The following DAPK2 variants were observed in gnomAD, a reference collection of about 807,000 sequenced individuals.
DAPK2 encodes death associated protein kinase 2, also known as death-associated protein kinase 2.
A neutral mutation model predicts 44.1 loss-of-function variants in DAPK2; 35 were observed. The ratio of observed to expected loss-of-function variants is 0.79; its 90% CI spans 0.61 to 1.05. The LOEUF is 1.05. DAPK2 is among the 50% of genes least tolerant of loss of function. The pLI is 0.00. For missense variants in DAPK2, 453 were observed against 483.2 expected, an observed-to-expected ratio of 0.94 and a Z score of 0.59; for synonymous variants, 174 against 182.6, an observed-to-expected ratio of 0.95 and a Z score of 0.38.
chr15:63,950,953 G>C (rs532434314), intron 3 of DAPK2, among the ~76,000 whole-genome samples: 1 of 152,136 alleles, frequency 6.6e-6, no homozygotes, highest in Non-Finnish European at 1.5e-5. Flanking sequence ...CATTATTAAA[G>C]GACAGCTCGC....
chr15:63,941,423 G>A (rs1405852469), intron 3 of DAPK2, among the ~76,000 whole-genome samples: 1 of 152,194 alleles, frequency 6.6e-6, no homozygotes, highest in Non-Finnish European at 1.5e-5. Flanking sequence ...CCGGAAGGAG[G>A]ACTCAGATCT....
At chr15:63,924,774 C>T in intron 8 of DAPK2, 42 bp downstream of exon 9, 1 of 1,612,056 alleles carries the variant, frequency 6.2e-7, no homozygotes, top group Non-Finnish European at 8.5e-7. Flanking sequence ...GGCGACAGAG[C>T]AGGGACCCTT....
At chr15:63,959,791 A>G (rs983578587) in intron 3 of DAPK2, among the ~76,000 whole-genome samples, 1 of 152,128 alleles carries the variant, frequency 6.6e-6, no homozygotes, top group Non-Finnish European at 1.5e-5. Flanking sequence ...ATCGATGTTC[A>G]TTGGGGATAT....
upstream of DAPK2, among the ~76,000 whole-genome samples, chr15:64,043,009 G>C (rs2080383826): frequency 6.6e-6 from 1 of 152,190 alleles, no homozygotes; most frequent in Non-Finnish European, 1.5e-5. Context: ...TAACCCAGAG[G>C]GAGAGAATAG....
At position 63,912,265 on chromosome 15, in the gene DAPK2, G is replaced by A. The variant is rs1021529335; in HGVS notation, c.859-68C>T. 2.6e-6 allele frequency: 4 copies of A among 1,516,474 alleles called. No individual in the cohort carries two copies. Among genetic ancestry groups the A allele is most frequent in the Non-Finnish European group, 2.7e-6 (3 of 1,102,148 alleles). 93.9% of individuals were successfully genotyped at this position (1,516,474 alleles called of 1,614,324 possible). A position where few individuals can be genotyped will look rare whatever the true frequency, so the allele number is the denominator to read the frequency against. ...GACAGCAGCCACCCTCCTCGCCGCA[G>A]AACTCCCCACCCACCGCATGCCCAC... On this transcript the variant is annotated intron_variant, in intron 8 of 10. Coordinates refer to ENST00000261891, the Ensembl canonical transcript of DAPK2. This position sits in a 1 kb window ranked among gnomAD's most constrained non-coding sequence, Gnocchi z 4.4.
In DAPK2 at chr15:63,939,919, T is replaced by C. The variant is rs1340498889; in HGVS notation, c.454-558A>G. ...CACTTCTCTCTGCGTTTAACTAATT[T>C]TGGTCCTCAGCAGGACACAGGAAAA... On this transcript the variant is annotated intron_variant, in intron 3 of 10. Transcript: ENST00000261891. This position sits in a 1 kb window ranked among gnomAD's most constrained non-coding sequence, Gnocchi z 4.3. 6.6e-6 allele frequency among the ~76,000 whole-genome samples: 1 copy of C among 152,226 alleles called. No homozygotes were observed. Among genetic ancestry groups the C allele is most frequent in the Admixed American group, 6.5e-5 (1 of 15,284 alleles).
intron 6 of DAPK2, among the ~76,000 whole-genome samples, chr15:63,927,703 G>A (rs1000878157): frequency 6.6e-6 from 1 of 151,730 alleles, no homozygotes; most frequent in African/African-American, 2.4e-5. Flanking sequence ...ATTCAAATGA[G>A]CCACAAGAAG....
chr15:63,987,298 G>A (rs1473034875), intron 1 of DAPK2, among the ~76,000 whole-genome samples: 1 of 152,160 alleles, frequency 6.6e-6, no homozygotes, highest in African/African-American at 2.4e-5. Flanking sequence ...AGAAGTTGAG[G>A]TCCCACAGTG....
chr15:64,028,843 G>T (rs1050170761), intron 1 of DAPK2, among the ~76,000 whole-genome samples: 1 of 152,030 alleles, frequency 6.6e-6, no homozygotes, highest in Non-Finnish European at 1.5e-5. Context: ...AGGGGAAAGA[G>T]AGAGAGAGAA....
intron 1 of DAPK2, among the ~76,000 whole-genome samples, chr15:64,023,809 G>A (rs2079759006): frequency 6.6e-6 from 1 of 152,192 alleles, no homozygotes; most frequent in Admixed American, 6.5e-5. Flanking sequence ...GAATGGAAAA[G>A]GTGCTATTTT....
In DAPK2 at chr15:63,912,734, G is replaced by T. The variant is rs990673255; in HGVS notation, c.859-537C>A. On this transcript the variant is annotated intron_variant, in intron 8 of 10. Coordinates refer to ENST00000261891, the Ensembl canonical transcript of DAPK2. This position sits in a 1 kb window ranked among gnomAD's most constrained non-coding sequence, Gnocchi z 4.4. ...AATTTTGACTTCTCCAAGAAGCTTG[G>T]GATGGCTTCTCTGAGCCTCAGTTTC... is the stretch of plus-strand genomic sequence containing the variant. 6.6e-6 allele frequency among the ~76,000 whole-genome samples: 1 copy of T among 152,172 alleles called. No individual in the cohort carries two copies. The highest frequency in any genetic ancestry group is 1.5e-5 in the Non-Finnish European group (1 of 68,024).
upstream of DAPK2, chr15:64,046,470 C>T: frequency 5.4e-6 from 1 of 185,846 alleles, no homozygotes; most frequent in Non-Finnish European, 1.0e-5. This position sits in a 1 kb window ranked among gnomAD's most constrained non-coding sequence, Gnocchi z 5.3. Context: ...GCCCGCCGAG[C>T]AGCCTAGGAG....
At chr15:63,932,201 T>C (rs2076979540) in intron 4 of DAPK2, among the ~76,000 whole-genome samples, 1 of 144,004 alleles carries the variant, frequency 6.9e-6, no homozygotes, top group Admixed American at 7.0e-5. Context: ...CACAGTGGCT[T>C]ACGCCTGTAA....
chr15:63,960,201 T>C (rs1044023200), intron 3 of DAPK2, among the ~76,000 whole-genome samples: 3 of 152,234 alleles, frequency 2.0e-5, no homozygotes, highest in Non-Finnish European at 4.4e-5. Context: ...GGTGGTGATA[T>C]CCCCTTTATC....
chr15:64,043,334 C>T (rs778936142), upstream of DAPK2, among the ~76,000 whole-genome samples: 6 of 152,156 alleles, frequency 3.9e-5, no homozygotes, highest in Non-Finnish European at 7.3e-5. Context: ...TTAGTAATAA[C>T]TAAAAATTGG....
At chr15:63,952,335 G>A (rs1402836874) in intron 3 of DAPK2, among the ~76,000 whole-genome samples, 1 of 152,240 alleles carries the variant, frequency 6.6e-6, no homozygotes, top group African/African-American at 2.4e-5. Flanking sequence ...GATGGTGAAA[G>A]TGTTCCGGAG....
At chr15:64,029,352 G>A (rs1030324617) in intron 1 of DAPK2, among the ~76,000 whole-genome samples, 2 of 152,256 alleles carry the variant, frequency 1.3e-5, no homozygotes, top group African/African-American at 4.8e-5. Context: ...AGGGCCCCTT[G>A]TAGTCATCAG....
intron 1 of DAPK2, among the ~76,000 whole-genome samples, chr15:63,994,044 T>G (rs1257500258): frequency 1.3e-5 from 2 of 152,086 alleles, no homozygotes; most frequent in Non-Finnish European, 2.9e-5. Context: ...GGAGAGCAGA[T>G]CTCAGGGACT....
intron 3 of DAPK2, among the ~76,000 whole-genome samples, chr15:63,952,950 G>A (rs1471886430): frequency 6.8e-6 from 1 of 147,888 alleles, no homozygotes; most frequent in Non-Finnish European, 1.5e-5. Flanking sequence ...CCCCACCCCT[G>A]GCCTGGCCCC....
Sources: allele counts gnomAD v4.1 joint callset (sites outside exome capture counted in the v4.1 genomes callset), GRCh38; gene constraint gnomAD v4.1.1; non-coding constraint Gnocchi (gnomAD v3.1); transcripts MANE v1.5; gene names NCBI Gene and HGNC (gene_info 2026-07-23, HGNC 2026-07-21).